Variants in FSTL5 observed in about 807,000 individuals in gnomAD.
The protein encoded by FSTL5 is follistatin-related protein 5.
FSTL5 carries 62 observed loss-of-function variants against 89.1 expected under a neutral mutation model. That is an observed-to-expected ratio of 0.70 (90% CI 0.57 to 0.86). The LOEUF is 0.86. FSTL5 is among the 40% of genes least tolerant of loss of function. FSTL5 has a pLI of 0.00. For missense variants in FSTL5, 1,057 were observed against 1,001.6 expected, an observed-to-expected ratio of 1.06 and a Z score of -0.75; for synonymous variants, 383 against 346.2, an observed-to-expected ratio of 1.11 and a Z score of -1.18.
rs185580246 is a variant in FSTL5 at position 162,066,444 on chromosome 4, T to C, written c.127-32786A>G. Reference sequence around the variant, plus strand: ...TTTTTTTTTTCTTTACTTTAAGTTCTGGGATACATGTGCAGAACTAGCATG... The same window carrying C: ...TTTTTTTTTTCTTTACTTTAAGTTCCGGGATACATGTGCAGAACTAGCATG... On this transcript the variant is annotated intron_variant, in intron 2 of 15. Transcript: ENST00000306100. Among the ~76,000 whole-genome samples, 123 of 150,040 alleles carry C rather than the reference T, an allele frequency of 8.2e-4. 1 individual carries two copies. Among genetic ancestry groups the C allele is most frequent in the African/African-American group, 3.0e-3 (122 of 40,784 alleles).
intron 4 of FSTL5, among the ~76,000 whole-genome samples, chr4:161,832,260 G>C (rs776678279): frequency 2.6e-5 from 4 of 152,078 alleles, no homozygotes; most frequent in Non-Finnish European, 4.4e-5. Flanking sequence ...CTGTACAATA[G>C]GACAGTGCAG....
In FSTL5 at chr4:162,143,748, A is replaced by ACACAC. The variant is rs1363446909; in HGVS notation, c.-17+19866_-17+19867insGTGTG. The stretch of plus-strand genomic sequence containing the variant: ...CACACACACACACACACACACACAC[A>ACACAC]CCCAGGAAAAAAGGTTACATTGTAT... On this transcript the variant is annotated intron_variant, in intron 1 of 15. Transcript: ENST00000306100. Among the ~76,000 whole-genome samples, 670 of 127,716 alleles carry ACACAC rather than the reference A, an allele frequency of 5.2e-3. 5 individuals are homozygous for ACACAC. Among genetic ancestry groups the ACACAC allele is most frequent in the South Asian group, 0.03 (120 of 3,950 alleles). The allele number at this position is 127,716 out of a possible 152,430, so 83.8% of individuals were successfully genotyped here. A position where few individuals can be genotyped will look rare whatever the true frequency, so the allele number is the denominator to read the frequency against.
chr4:161,684,909 T>C (rs1321334919), intron 6 of FSTL5, among the ~76,000 whole-genome samples: 8 of 152,206 alleles, frequency 5.3e-5, no homozygotes, highest in Admixed American at 5.2e-4. Context: ...AAGTCCTTGA[T>C]CCATCTTGAG....
At chr4:161,441,183 T>C (rs1317334351) in intron 15 of FSTL5, among the ~76,000 whole-genome samples, 5 of 152,240 alleles carry the variant, frequency 3.3e-5, no homozygotes, top group South Asian at 2.1e-4. Flanking sequence ...GTGCTCATGA[T>C]TGACAAACAG....
At chr4:161,989,083 C>T (rs150374070) in intron 3 of FSTL5, among the ~76,000 whole-genome samples, 87 of 152,246 alleles carry the variant, frequency 5.7e-4, no homozygotes, top group African/African-American at 2.0e-3. Flanking sequence ...ATTCTGCTAA[C>T]CTTTAAACAG....
At chr4:161,441,010 C>G (rs1391260112) in intron 15 of FSTL5, among the ~76,000 whole-genome samples, 4 of 152,080 alleles carry the variant, frequency 2.6e-5, no homozygotes, top group Non-Finnish European at 1.5e-5. Flanking sequence ...TATTTGATTA[C>G]TGACATTTAG....
intron 11 of FSTL5, among the ~76,000 whole-genome samples, chr4:161,502,243 G>T (rs1351688772): frequency 6.6e-6 from 1 of 151,728 alleles, no homozygotes; most frequent in Admixed American, 6.6e-5. Flanking sequence ...AGAGTCAGTG[G>T]GATTCCACTA....
At chr4:161,601,023 T>C (rs1407484196) in intron 7 of FSTL5, among the ~76,000 whole-genome samples, 1 of 152,062 alleles carries the variant, frequency 6.6e-6, no homozygotes, top group South Asian at 2.1e-4. Context: ...CAAGGAACCA[T>C]ACAAGTAAGT....
chr4:161,838,315 G>GCT (rs1386699674), intron 4 of FSTL5, among the ~76,000 whole-genome samples: 4 of 152,066 alleles, frequency 2.6e-5, no homozygotes, highest in Non-Finnish European at 5.9e-5. Context: ...AATGTTTTCT[G>GCT]CTGCCCAGAC....
intron 15 of FSTL5, among the ~76,000 whole-genome samples, chr4:161,428,077 G>GA (rs1169537063): frequency 6.6e-6 from 1 of 152,120 alleles, no homozygotes; most frequent in African/African-American, 2.4e-5. Context: ...TCTTGGGAAA[G>GA]GAGAGTGCAG....
chr4:161,717,534 A>G (rs2047055995), intron 6 of FSTL5, among the ~76,000 whole-genome samples: 1 of 152,170 alleles, frequency 6.6e-6, no homozygotes, highest in Non-Finnish European at 1.5e-5. Flanking sequence ...TCCAAACTCC[A>G]GTAGGGTCAA....
chr4:161,417,443 G>A (rs1045040570), intron 15 of FSTL5, among the ~76,000 whole-genome samples: 5 of 152,120 alleles, frequency 3.3e-5, no homozygotes, highest in African/African-American at 1.2e-4. Flanking sequence ...TTATAGAGTT[G>A]CTATTTTATT....
At chr4:161,759,006 C>T (rs1579072137) in intron 6 of FSTL5, among the ~76,000 whole-genome samples, 1 of 152,288 alleles carries the variant, frequency 6.6e-6, no homozygotes, top group East Asian at 1.9e-4. Context: ...CATTGCCCTT[C>T]AAATACACTC....
chr4:161,786,757 TA>T (rs1243170091), intron 4 of FSTL5, among the ~76,000 whole-genome samples: 1 of 152,128 alleles, frequency 6.6e-6, no homozygotes, highest in African/African-American at 2.4e-5. Flanking sequence ...CCCAATAATG[TA>T]ACCTCTATTT....
chr4:161,570,550 T>C lies in FSTL5; in HGVS notation c.1015+16905A>G, dbSNP rs550732468. ...TAATCTGAGAGACATTGGGAGCCAA[T>C]GGGATTTTAAGTAGAGGAGGGATGT... On this transcript the variant is annotated intron_variant, in intron 8 of 15. Coordinates refer to ENST00000306100, the MANE Select transcript of FSTL5 (RefSeq NM_020116.5). 2.0e-5 allele frequency among the ~76,000 whole-genome samples: 3 copies of C among 152,272 alleles called. No homozygotes were observed. The East Asian group carries it at 5.8e-4, about 29-fold the overall frequency.
chr4:161,729,467 A>C (rs543471097), intron 6 of FSTL5, among the ~76,000 whole-genome samples: 2 of 151,954 alleles, frequency 1.3e-5, no homozygotes, highest in Non-Finnish European at 2.9e-5. Context: ...CTTCTGAATG[A>C]CTCTGCCCTC....
intron 6 of FSTL5, among the ~76,000 whole-genome samples, chr4:161,697,950 T>TGA (rs1738232142): frequency 6.6e-6 from 1 of 151,786 alleles, no homozygotes; most frequent in Non-Finnish European, 1.5e-5. Flanking sequence ...TGTGTGTGTG[T>TGA]GTGTGTGTAT....
intron 4 of FSTL5, among the ~76,000 whole-genome samples, chr4:161,816,463 C>A (rs1246049807): frequency 6.6e-6 from 1 of 152,086 alleles, no homozygotes; most frequent in Non-Finnish European, 1.5e-5. Flanking sequence ...CCCTACCACA[C>A]GATGTAACAT....
intron 4 of FSTL5, among the ~76,000 whole-genome samples, chr4:161,830,312 A>G (rs1730803524): frequency 6.6e-6 from 1 of 152,022 alleles, no homozygotes; most frequent in African/African-American, 2.4e-5. Flanking sequence ...GCTTCCTGTT[A>G]TGATGTAATT....
Sources: gnomAD v4.1 joint callset for allele counts (sites outside exome capture counted in the v4.1 genomes callset) on GRCh38, gnomAD v4.1.1 for gene constraint, MANE v1.5 for transcripts, NCBI Gene and HGNC (gene_info 2026-07-23, HGNC 2026-07-21) for gene names.